Variants in BCAP29 observed in about 807,000 individuals in gnomAD.
BCAP29 encodes B-cell receptor-associated protein 29.
BCAP29 carries 34 observed loss-of-function variants against 31.8 expected under a neutral mutation model. The ratio of observed to expected loss-of-function variants is 1.07; its 90% CI spans 0.81 to 1.42. The LOEUF is 1.42. Among genes scored for constraint, BCAP29 ranks in the 40% most tolerant of loss-of-function variants. The pLI is 0.00. For missense variants in BCAP29, 314 were observed against 269.2 expected (o/e 1.17, Z -1.16); for synonymous variants, 104 against 91.3 (o/e 1.14, Z -0.79).
At chr7:107,599,219 ATAC>A (rs1563133900) in intron 5 of BCAP29, among the ~76,000 whole-genome samples, 1 of 15,962 alleles carries the variant, frequency 6.3e-5, no homozygotes, top group African/African-American at 3.2e-4. Context: ...AAATATATAT[ATAC>A]ATAATTATAT....
chr7:107,588,794 C>G (rs1330473141), intron 3 of BCAP29, among the ~76,000 whole-genome samples: 1 of 152,182 alleles, frequency 6.6e-6, no homozygotes, highest in Non-Finnish European at 1.5e-5. Flanking sequence ...AAAAAGGGAA[C>G]CCCAAAATCC....
intron 2 of BCAP29, among the ~76,000 whole-genome samples, 166 bp downstream of exon 2, chr7:107,581,030 C>T (rs1806557251): frequency 6.6e-6 from 1 of 152,150 alleles, no homozygotes; most frequent in Non-Finnish European, 1.5e-5. Context: ...TTATATAAAA[C>T]TCTGTTACGT....
At chr7:107,590,874 C>CA (rs1436421988) in intron 3 of BCAP29, among the ~76,000 whole-genome samples, 2 of 149,022 alleles carry the variant, frequency 1.3e-5, no homozygotes, top group Non-Finnish European at 3.0e-5. Flanking sequence ...AAAGTATCTA[C>CA]AAGAAAGTTA....
At chr7:107,583,785 G>T in intron 2 of BCAP29, 97 bp from the exon 3 acceptor site, 2 of 511,780 alleles carry the variant, frequency 3.9e-6, no homozygotes. Context: ...ATTTTCACTT[G>T]CTACACAATT....
chr7:107,590,520 T>C (rs1370087756), intron 3 of BCAP29, among the ~76,000 whole-genome samples: 2 of 152,028 alleles, frequency 1.3e-5, no homozygotes, highest in African/African-American at 4.8e-5. Context: ...ACACGATTAT[T>C]TATATAGAAA....
intron 5 of BCAP29, 94 bp from the exon 6 acceptor site, chr7:107,600,303 G>C (rs745354338): frequency 1.3e-6 from 1 of 754,526 alleles, no homozygotes; most frequent in South Asian, 1.5e-5. Context: ...TTATAAACAG[G>C]TAAGTTTAGA....
At chr7:107,587,006 C>T (rs1807824679) in intron 3 of BCAP29, among the ~76,000 whole-genome samples, 1 of 152,144 alleles carries the variant, frequency 6.6e-6, no homozygotes, top group Non-Finnish European at 1.5e-5. Context: ...GCTGGGATTA[C>T]AGGCATGAGC....
chr7:107,582,536 A>C (rs1806890788), intron 2 of BCAP29, among the ~76,000 whole-genome samples: 1 of 152,330 alleles, frequency 6.6e-6, no homozygotes, highest in Non-Finnish European at 1.5e-5. Context: ...CAGGTCACCT[A>C]TAACTGCATG....
intron 4 of BCAP29, among the ~76,000 whole-genome samples, chr7:107,595,026 T>C (rs538854035): frequency 3.6e-4 from 55 of 152,300 alleles, no homozygotes; most frequent in African/African-American, 1.3e-3. Context: ...CAACAGATAT[T>C]GATTGAGTTC....
intron 6 of BCAP29, among the ~76,000 whole-genome samples, chr7:107,611,154 C>A (rs1307195136): frequency 6.6e-6 from 1 of 152,206 alleles, no homozygotes; most frequent in Non-Finnish European, 1.5e-5. Context: ...GGACCCCACC[C>A]TTATGACCTA....
chr7:107,602,536 T>C (rs886373115), intron 6 of BCAP29, among the ~76,000 whole-genome samples: 3 of 152,072 alleles, frequency 2.0e-5, no homozygotes, highest in African/African-American at 4.8e-5. Context: ...AGATCTTACA[T>C]TTGAAAATTG....
Position 107,613,440 on chromosome 7 carries a change from T to G in BCAP29, c.690+8T>G, listed in dbSNP as rs201006372. The stretch of plus-strand genomic sequence containing the variant: ...GAACACTCTGAACTTCAGGTGGGTG[T>G]GACATGCACTTTATGCACCTAAATG... On this transcript the variant is annotated splice_region_variant and intron_variant, in intron 7 of 7. Coordinates refer to ENST00000005259, the MANE Select transcript of BCAP29 (RefSeq NM_018844.4). The G allele has an allele frequency of 7.0e-5, 111 of 1,574,640 alleles. No homozygotes were observed. Among genetic ancestry groups the G allele is most frequent in the Admixed American group, 1.7e-4 (10 of 58,268 alleles).
chr7:107,609,720 G>C (rs1325206355), intron 6 of BCAP29, among the ~76,000 whole-genome samples: 3 of 152,136 alleles, frequency 2.0e-5, no homozygotes, highest in African/African-American at 7.2e-5. Context: ...CATTACTGTA[G>C]ATTAACAATC....
At chr7:107,589,474 A>G (rs1372285568) in intron 3 of BCAP29, among the ~76,000 whole-genome samples, 3 of 152,172 alleles carry the variant, frequency 2.0e-5, no homozygotes, top group Admixed American at 6.5e-5. Flanking sequence ...CGCAGTTCAC[A>G]AAAGGGCTTC....
rs188810857 is a variant in BCAP29, at chr7:107,604,229, A to T, written c.589+3724A>T. 1.9e-3 allele frequency among the ~76,000 whole-genome samples: 286 copies of T among 152,286 alleles called. 2 individuals are homozygous for T. The highest frequency in any genetic ancestry group is 6.7e-3 in the African/African-American group (278 of 41,554). On this transcript the variant is annotated intron_variant, in intron 6 of 7. Coordinates refer to ENST00000005259, the MANE Select transcript of BCAP29 (RefSeq NM_018844.4). ...TTGACTTACGTTGAACAAAACTAAA[A>T]TTACCTTTTGCAGACCAACTTTGAT...
At chr7:107,586,909 T>C (rs967923486) in intron 3 of BCAP29, among the ~76,000 whole-genome samples, 2 of 151,858 alleles carry the variant, frequency 1.3e-5, no homozygotes, top group African/African-American at 4.8e-5. Flanking sequence ...TTGTTTTTTT[T>C]AATAGAGACA....
intron 6 of BCAP29, among the ~76,000 whole-genome samples, chr7:107,609,451 G>T (rs192237662): frequency 2.6e-5 from 4 of 152,214 alleles, no homozygotes; most frequent in Non-Finnish European, 5.9e-5. Context: ...AATGAGGACA[G>T]TGGTCACAGA....
At chr7:107,581,950 A>G (rs1249434056) in intron 2 of BCAP29, among the ~76,000 whole-genome samples, 1 of 152,162 alleles carries the variant, frequency 6.6e-6, no homozygotes, top group African/African-American at 2.4e-5. Context: ...CAAGTAGCCT[A>G]CGGTTACCTA....
At chr7:107,608,030 T>G (rs1812432157) in intron 6 of BCAP29, among the ~76,000 whole-genome samples, 3 of 152,200 alleles carry the variant, frequency 2.0e-5, no homozygotes, top group African/African-American at 7.2e-5. Context: ...ATTATTAACA[T>G]AACTTATCAG....
Sources: gnomAD v4.1 joint callset for allele counts (sites outside exome capture counted in the v4.1 genomes callset) on GRCh38, gnomAD v4.1.1 for gene constraint, MANE v1.5 for transcripts, NCBI Gene and HGNC (gene_info 2026-07-23, HGNC 2026-07-21) for gene names.